Variants in AK9 observed in about 807,000 individuals in gnomAD.
AK9 encodes adenylate kinase domain containing 1.
AK9 carries 191 observed loss-of-function variants against 239.6 expected under a neutral mutation model. The ratio of observed to expected loss-of-function variants is 0.80; its 90% CI spans 0.71 to 0.90. The LOEUF (loss-of-function observed/expected upper bound fraction) is 0.90. Among genes scored for constraint, AK9 ranks in the 40% least tolerant of loss-of-function variants. The pLI, the probability that AK9 is intolerant of heterozygous loss-of-function variation, is 0.00. For missense variants in AK9, 1,995 were observed against 2,214.7 expected, an observed-to-expected ratio of 0.90 and a Z score of 1.99; for synonymous variants, 689 against 721.0, an observed-to-expected ratio of 0.96 and a Z score of 0.71.
At chr6:109,559,080 G>C (rs1381001594) in intron 24 of AK9, among the ~76,000 whole-genome samples, 2 of 151,764 alleles carry the variant, frequency 1.3e-5, no homozygotes, top group Non-Finnish European at 2.9e-5. Context: ...TCGAACTCCT[G>C]ACCTCAAGTG....
intron 17 of AK9, among the ~76,000 whole-genome samples, chr6:109,609,064 T>C (rs1411485860): frequency 2.0e-5 from 3 of 152,224 alleles, no homozygotes; most frequent in Non-Finnish European, 4.4e-5. Context: ...GCTTTGGTGT[T>C]AAAATCTCAT....
chr6:109,506,820 A>C lies in AK9; in HGVS notation c.4482-20T>G, dbSNP rs1224159442. ...ACAACACTAACAAGGAAAAACATGA[A>C]AATAAAAATTCCACATTTCTTTTTC... On this transcript the variant is annotated intron_variant, in intron 33 of 40. Coordinates refer to ENST00000424296, the MANE Select transcript of AK9 (RefSeq NM_001145128.3). The C allele has an allele frequency of 2.0e-6, 3 of 1,469,208 alleles. No homozygotes were observed. The allele number at this position is 1,469,208 out of a possible 1,614,324, so 91.0% of individuals were successfully genotyped here.
At chr6:109,595,112 T>G (rs1217435849) in intron 17 of AK9, among the ~76,000 whole-genome samples, 1 of 152,204 alleles carries the variant, frequency 6.6e-6, no homozygotes, top group Non-Finnish European at 1.5e-5. Context: ...TCTATGCATC[T>G]GACAAAGGGC....
intron 23 of AK9, 113 bp from the exon 24 acceptor site, chr6:109,563,825 T>C (rs2128183470): frequency 7.7e-7 from 1 of 1,295,966 alleles, no homozygotes; most frequent in Non-Finnish European, 1.0e-6. Flanking sequence ...GTCTCTTAGA[T>C]TAAATATGTA....
chr6:109,646,871 T>C (rs1034887482), intron 8 of AK9, among the ~76,000 whole-genome samples: 5 of 152,170 alleles, frequency 3.3e-5, no homozygotes, highest in East Asian at 1.9e-4. Context: ...GAGAAGCCCA[T>C]CAGACTAACA....
chr6:109,663,977 T>C (rs1194934798), intron 5 of AK9, among the ~76,000 whole-genome samples: 2 of 152,212 alleles, frequency 1.3e-5, no homozygotes, highest in African/African-American at 2.4e-5. Flanking sequence ...TTGCAACAGA[T>C]TGAGCAGAAG....
chr6:109,573,426 A>G lies in AK9; in HGVS notation c.2344+16T>C, dbSNP rs768222046. ...ACATGAGTAGAATTAAGAACTTGCT[A>G]TCAATAAAGTCTAACCTGCTTCAGG... On this transcript the variant is annotated intron_variant, in intron 21 of 40. Coordinates refer to ENST00000424296, the MANE Select transcript of AK9 (RefSeq NM_001145128.3). 5 of 1,535,818 alleles carry G rather than the reference A, an allele frequency of 3.3e-6. No homozygotes were observed. The highest frequency in any genetic ancestry group is 3.5e-6 in the Non-Finnish European group (4 of 1,140,174).
intron 13 of AK9, among the ~76,000 whole-genome samples, chr6:109,615,840 T>C (rs1794109670): frequency 6.6e-6 from 1 of 152,104 alleles, no homozygotes; most frequent in South Asian, 2.1e-4. Context: ...TAGCAAACTC[T>C]GACAAATAGA....
At chr6:109,504,493 T>C (rs1199184976) in intron 35 of AK9, among the ~76,000 whole-genome samples, 1 of 151,382 alleles carries the variant, frequency 6.6e-6, no homozygotes, top group Non-Finnish European at 1.5e-5. Flanking sequence ...TAAAGAATTA[T>C]TGTTTATCTG....
intron 12 of AK9, among the ~76,000 whole-genome samples, chr6:109,622,524 TA>T (rs1360278026): frequency 1.9e-5 from 1 of 52,336 alleles, no homozygotes; most frequent in African/African-American, 1.4e-4. Flanking sequence ...ATCAGGATAA[TA>T]CAATAATATA....
chr6:109,660,683 C>T (rs941157777), intron 6 of AK9, among the ~76,000 whole-genome samples: 4 of 152,164 alleles, frequency 2.6e-5, no homozygotes, highest in Non-Finnish European at 4.4e-5. Flanking sequence ...AGCTGTCTCC[C>T]GTTCTCATTT....
chr6:109,524,799 T>A (rs773682179), intron 29 of AK9, among the ~76,000 whole-genome samples: 9 of 152,114 alleles, frequency 5.9e-5, no homozygotes, highest in Non-Finnish European at 1.3e-4. Context: ...GCATAAAGGA[T>A]GTTAGTGGGT....
intron 8 of AK9, among the ~76,000 whole-genome samples, chr6:109,652,750 AC>A (rs1349156124): frequency 9.5e-4 from 145 of 152,230 alleles, no homozygotes; most frequent in Non-Finnish European, 1.8e-3. Context: ...GTACATAGAA[AC>A]AGTTAACACG....
intron 8 of AK9, 26 bp from the exon 9 acceptor site, chr6:109,644,714 A>G (rs1210519069): frequency 1.9e-6 from 3 of 1,568,556 alleles, no homozygotes; most frequent in South Asian, 1.1e-5. Context: ...AAGAAACTTT[A>G]TAATACAGGA....
intron 17 of AK9, among the ~76,000 whole-genome samples, chr6:109,601,817 C>T (rs1792022222): frequency 7.8e-6 from 1 of 127,794 alleles, no homozygotes; most frequent in South Asian, 2.9e-4. Context: ...TGAATTGATC[C>T]CTTTACCATT....
rs779440720 is a variant in AK9, at chr6:109,585,160, C to G, written c.2077G>C (p.Glu693Gln). ...DSKILERLLE[E>Q]LQKKKKEEEE... Reference sequence around the variant, plus strand: ...TCTTCTTTTTTTTTCTTTTGTAGTTCTTCTAATAATCTTTCTAAAATCTTA... The same window carrying G: ...TCTTCTTTTTTTTTCTTTTGTAGTTGTTCTAATAATCTTTCTAAAATCTTA... Residue 693 changes from glutamate (E) to glutamine (Q), a missense_variant, in exon 19 of 41, where the codon GAA (glutamate) becomes CAA (glutamine). Transcript: ENST00000424296. 1.8e-6 allele frequency: 2 copies of G among 1,104,126 alleles called. No homozygotes were observed. The highest frequency in any genetic ancestry group is 4.0e-5 in the South Asian group (2 of 50,460). The allele number at this position is 1,104,126 out of a possible 1,614,324, so 68.4% of individuals were successfully genotyped here.
intron 3 of AK9, among the ~76,000 whole-genome samples, chr6:109,673,069 G>C (rs1771171902): frequency 6.6e-6 from 1 of 152,206 alleles, no homozygotes. Context: ...GGATAGGAAT[G>C]ACAGGGGCAT....
At chr6:109,502,957 A>ATGTGTGTGTGTGTGTGTG (rs58542655) in intron 35 of AK9, among the ~76,000 whole-genome samples, 9 of 145,498 alleles carry the variant, frequency 6.2e-5, no homozygotes, top group African/African-American at 2.0e-4. Flanking sequence ...CAGGAACGGT[A>ATGTGTGTGTGTGTGTGTG]TGTGTGTGTG....
chr6:109,522,473 G>T (rs1238861906), intron 29 of AK9, among the ~76,000 whole-genome samples: 1 of 151,490 alleles, frequency 6.6e-6, no homozygotes, highest in Non-Finnish European at 1.5e-5. Context: ...CCTATCTCTT[G>T]CACTTTGTTT....
Sources: allele counts gnomAD v4.1 joint callset (sites outside exome capture counted in the v4.1 genomes callset), GRCh38; gene constraint gnomAD v4.1.1; transcripts MANE v1.5; gene names NCBI Gene and HGNC (gene_info 2026-07-23, HGNC 2026-07-21).